Variants in ZBTB38 observed in about 807,000 individuals in gnomAD.
ZBTB38 encodes the protein zinc finger and BTB domain containing 38.
ZBTB38 carries 20 observed loss-of-function variants against 76.8 expected under a neutral mutation model. The ratio of observed to expected loss-of-function variants is 0.26; its 90% CI spans 0.18 to 0.38. ZBTB38 has a LOEUF of 0.38. ZBTB38 is among the 10% of genes least tolerant of loss of function. The pLI is 1.00. For missense variants in ZBTB38, 1,082 were observed against 1,482.3 expected (o/e 0.73, Z 4.43); for synonymous variants, 504 against 544.2 (o/e 0.93, Z 1.03).
In ZBTB38 at chr3:141,445,077, A is replaced by T. The variant is rs550469449; in HGVS notation, c.2689A>T (p.Met897Leu). 2 of 1,614,194 alleles carry T rather than the reference A, an allele frequency of 1.2e-6. No homozygotes were observed. Among genetic ancestry groups the T allele is most frequent in the East Asian group, 2.2e-5 (1 of 44,884 alleles). ...SPLGLCQSEC[M>L]EMSEVFDDAS... ...ACTCGGGCTTTGCCAATCCGAGTGCATGGAGATGAGTGAAGTGTTCGATGA... is the reference window on the plus strand; with the variant it reads ...ACTCGGGCTTTGCCAATCCGAGTGCTTGGAGATGAGTGAAGTGTTCGATGA... The change falls in exon 6 of 6, where the codon ATG becomes TTG. Residue 897 changes from methionine (M) to leucine (L), a missense_variant. Met to Leu is a conservative substitution (Grantham distance 15). This residue lies in a region of ZBTB38 where 471 missense variants were observed against 581.0 expected (regional missense o/e 0.81). Transcript: ENST00000321464. The surrounding 1 kb of genome is among the most constrained non-coding windows in gnomAD (Gnocchi z 6.5).
intron 1 of ZBTB38, among the ~76,000 whole-genome samples, chr3:141,338,209 A>T (rs1351538366): frequency 2.6e-5 from 4 of 152,222 alleles, no homozygotes; most frequent in African/African-American, 9.7e-5. Flanking sequence ...AAACTAGTTC[A>T]TCTGCTGTGG....
intron 1 of ZBTB38, among the ~76,000 whole-genome samples, chr3:141,334,174 T>A (rs1377473737): frequency 2.0e-5 from 3 of 151,742 alleles, no homozygotes; most frequent in Non-Finnish European, 4.4e-5. Flanking sequence ...TGGTTTGCAT[T>A]CAGGATCATG....
rs2080372199 is a variant in ZBTB38, at chr3:141,442,017, C to A, written c.1-372C>A. ...CTTCTGGCAGGACCATGGCATTGCCCAGCTCTAGTAGTTCAAAGCAGCAGC... is the reference window on the plus strand; with the variant it reads ...CTTCTGGCAGGACCATGGCATTGCCAAGCTCTAGTAGTTCAAAGCAGCAGC... On this transcript the variant is annotated intron_variant, in intron 5 of 5. Coordinates refer to ENST00000321464, the MANE Select transcript of ZBTB38 (RefSeq NM_001376113.1). The surrounding 1 kb of genome is among the most constrained non-coding windows in gnomAD (Gnocchi z 6.4). Among the ~76,000 whole-genome samples, 1 of 151,426 alleles carries A rather than the reference C, an allele frequency of 6.6e-6. No individual in the cohort carries two copies. The highest frequency in any genetic ancestry group is 6.6e-5 in the Admixed American group (1 of 15,188).
intron 1 of ZBTB38, among the ~76,000 whole-genome samples, chr3:141,361,168 C>T (rs1943814310): frequency 2.0e-5 from 3 of 152,154 alleles, no homozygotes; most frequent in Non-Finnish European, 4.4e-5. Flanking sequence ...TGTGATAACC[C>T]CTTACCACGA....
At chr3:141,421,491 G>GT (rs758565904) in intron 5 of ZBTB38, among the ~76,000 whole-genome samples, 3 of 151,878 alleles carry the variant, frequency 2.0e-5, no homozygotes, top group Non-Finnish European at 4.4e-5. Flanking sequence ...AGTTTTTTGG[G>GT]TTTTTTTGTT....
intron 5 of ZBTB38, among the ~76,000 whole-genome samples, chr3:141,428,042 C>G (rs904701159): frequency 6.6e-6 from 1 of 152,232 alleles, no homozygotes; most frequent in African/African-American, 2.4e-5. Flanking sequence ...GCCCACCACC[C>G]AGCAATGCTC....
In ZBTB38 at chr3:141,449,273, A is replaced by T. The variant is rs982487051; in HGVS notation, c.*3297A>T. 2 of 152,220 alleles carry T rather than the reference A, an allele frequency of 1.3e-5. No individual in the cohort carries two copies. The highest frequency in any genetic ancestry group is 2.9e-5 in the Non-Finnish European group (2 of 68,038). The allele number at this position is 152,220 out of a possible 1,614,324, so 9.4% of individuals were successfully genotyped here. ...AGATATGATAAAGTAATGCAGCTTT[A>T]GGATGGCAGTTAGTGACTGCCCTGG... On this transcript the variant is annotated 3_prime_UTR_variant, in exon 6 of 6. Coordinates refer to ENST00000321464, the MANE Select transcript of ZBTB38 (RefSeq NM_001376113.1).
chr3:141,417,096 G>A (rs955965855), intron 5 of ZBTB38, among the ~76,000 whole-genome samples: 2 of 152,236 alleles, frequency 1.3e-5, no homozygotes, highest in African/African-American at 4.8e-5. Flanking sequence ...GATTCAGTCA[G>A]TCTGGAGTGG....
Position 141,359,353 on chromosome 3 carries a change from G to A in ZBTB38, c.-738-9268G>A, listed in dbSNP as rs140497975. ...CTCTACCCAAGAAACTTCCCTTCAT[G>A]TGCCATTGGCCAGGATCATGCCACA... On this transcript the variant is annotated intron_variant, in intron 1 of 7. Coordinates refer to the ZBTB38 transcript ENST00000509842. Among the ~76,000 whole-genome samples, 504 of 152,308 alleles carry A rather than the reference G, an allele frequency of 3.3e-3. 3 individuals carry two copies. Among genetic ancestry groups the A allele is most frequent in the Admixed American group, 6.5e-3 (99 of 15,312 alleles).
intron 3 of ZBTB38, among the ~76,000 whole-genome samples, chr3:141,381,946 GATAAA>G (rs1235591909): frequency 3.9e-5 from 6 of 152,286 alleles, no homozygotes; most frequent in African/African-American, 1.2e-4. Context: ...TCATTTTAAT[GATAAA>G]ATAAAGCAGT....
chr3:141,410,273 G>A (rs1003854923), intron 5 of ZBTB38, among the ~76,000 whole-genome samples: 1 of 152,154 alleles, frequency 6.6e-6, no homozygotes, highest in African/African-American at 2.4e-5. Flanking sequence ...TGAATTTAAG[G>A]GTGGGAGATT....
chr3:141,353,248 C>T (rs1943571663), intron 1 of ZBTB38, among the ~76,000 whole-genome samples: 1 of 152,098 alleles, frequency 6.6e-6, no homozygotes, highest in Non-Finnish European at 1.5e-5. Context: ...CTTTCTTTCT[C>T]TCCAAACCAA....
At chr3:141,376,240 T>C (rs1945336361) in intron 2 of ZBTB38, among the ~76,000 whole-genome samples, 1 of 152,134 alleles carries the variant, frequency 6.6e-6, no homozygotes, top group South Asian at 2.1e-4. Flanking sequence ...ACGTTCAGGT[T>C]CTTGAAATCA....
At chr3:141,419,086 A>T in intron 5 of ZBTB38, among the ~76,000 whole-genome samples, 1 of 152,240 alleles carries the variant, frequency 6.6e-6, no homozygotes. Flanking sequence ...TGCAGGCTTA[A>T]TGGGAAGCAT....
rs759226254 is a variant in ZBTB38 at position 141,444,073 on chromosome 3, C to T, written c.1685C>T (p.Pro562Leu). The T allele has an allele frequency of 5.0e-6, 8 of 1,614,066 alleles. No individual in the cohort carries two copies. The highest frequency in any genetic ancestry group is 1.1e-5 in the South Asian group (1 of 91,072). The change falls in exon 6 of 6, where the codon CCG becomes CTG. Residue 562 changes from proline to leucine, a missense_variant. Physicochemically the swap from Pro to Leu is moderately conservative, Grantham distance 98. This residue lies in a region of ZBTB38 where 471 missense variants were observed against 581.0 expected (regional missense o/e 0.81). Transcript: ENST00000321464. The surrounding 1 kb of genome is among the most constrained non-coding windows in gnomAD (Gnocchi z 5.1). ...ANGGLKPSVYPYKLYRLLPMK... is the reference protein window; with the variant it reads ...ANGGLKPSVYLYKLYRLLPMK... ...GGAGGCTTGAAGCCTAGTGTCTATC[C>T]GTATAAACTTTATAGGCTACTGCCT...
At chr3:141,357,051 A>T (rs1486446895) in intron 1 of ZBTB38, among the ~76,000 whole-genome samples, 1 of 152,190 alleles carries the variant, frequency 6.6e-6, no homozygotes, top group African/African-American at 2.4e-5. Flanking sequence ...TCTCATTACT[A>T]CTATTTGTGT....
chr3:141,378,147 C>G (rs1945654141), intron 2 of ZBTB38, among the ~76,000 whole-genome samples: 1 of 150,772 alleles, frequency 6.6e-6, no homozygotes, highest in Non-Finnish European at 1.5e-5. Flanking sequence ...CATTGCACCC[C>G]CAGCCTGGGT....
intron 5 of ZBTB38, among the ~76,000 whole-genome samples, chr3:141,440,834 G>T (rs1247747737): frequency 6.6e-6 from 1 of 152,032 alleles, no homozygotes; most frequent in Non-Finnish European, 1.5e-5. Flanking sequence ...AAGAGATCGA[G>T]ACCATCCTGG....
chr3:141,445,618 T>C lies in ZBTB38; in HGVS notation c.3230T>C (p.Leu1077Ser), dbSNP rs2081009979. Residue 1077 changes from leucine (L) to serine (S), a missense_variant, in exon 6 of 6, where the codon TTG becomes TCG. Leu to Ser is a moderately radical substitution (Grantham distance 145). This residue lies in a region of ZBTB38 where 69 missense variants were observed against 148.2 expected (regional missense o/e 0.47). Coordinates refer to ENST00000321464, the MANE Select transcript of ZBTB38 (RefSeq NM_001376113.1). This position sits in a 1 kb window ranked among gnomAD's most constrained non-coding sequence, Gnocchi z 6.5. Reference sequence around the variant, plus strand: ...CAGTATTGCAACAAGGCATTCACCTTGAATGAGACCCTCAAAATCCATGAA... The same window carrying C: ...CAGTATTGCAACAAGGCATTCACCTCGAATGAGACCCTCAAAATCCATGAA... ...VCQYCNKAFTLNETLKIHERI... is the reference protein window; with the variant it reads ...VCQYCNKAFTSNETLKIHERI... 6.2e-7 allele frequency: 1 copy of C among 1,614,108 alleles called. No individual in the cohort carries two copies. The highest frequency in any genetic ancestry group is 8.5e-7 in the Non-Finnish European group (1 of 1,180,044).
Sources: gnomAD v4.1 joint callset for allele counts (sites outside exome capture counted in the v4.1 genomes callset) on GRCh38, gnomAD v4.1.1 for gene constraint, gnomAD v4.1.1 regional missense constraint, Gnocchi (gnomAD v3.1) non-coding constraint, MANE v1.5 for transcripts, NCBI Gene and HGNC (gene_info 2026-07-23, HGNC 2026-07-21) for gene names.